Variants in SYNJ2 observed in about 807,000 individuals in gnomAD.
SYNJ2 encodes the protein polyphosphatidylinositol phosphatase SYNJ2.
A neutral mutation model predicts 141.3 loss-of-function variants in SYNJ2; 116 were observed. The ratio of observed to expected loss-of-function variants is 0.82; its 90% CI spans 0.71 to 0.96. The LOEUF is 0.96. Among genes scored for constraint, SYNJ2 ranks in the 40% least tolerant of loss-of-function variants. The pLI is 0.00. For missense variants in SYNJ2, 1,873 were observed against 1,934.8 expected (o/e 0.97, Z 0.60); for synonymous variants, 745 against 777.7 (o/e 0.96, Z 0.70).
At position 158,070,083 on chromosome 6, in the gene SYNJ2, A is replaced by G; in HGVS notation, c.1940+410A>G. 1.1e-6 allele frequency: 1 copy of G among 928,198 alleles called. No homozygotes were observed. Among genetic ancestry groups the G allele is most frequent in the Non-Finnish European group, 1.3e-6 (1 of 777,176 alleles). The allele number at this position is 928,198 out of a possible 1,614,324, so 57.5% of individuals were successfully genotyped here. A position where few individuals can be genotyped will look rare whatever the true frequency, so the allele number is the denominator to read the frequency against. ...TAAGTAGAACGTGTGGGCCTCTACA[A>G]CTGTGACCTCATTGTCATTTCTCCA... On this transcript the variant is annotated intron_variant, in intron 14 of 26. Transcript: ENST00000355585. This position sits in a 1 kb window ranked among gnomAD's most constrained non-coding sequence, Gnocchi z 4.0.
In SYNJ2 at chr6:157,982,363, G is replaced by T. The variant is rs1777047008; in HGVS notation, c.127+275G>T. ...AGAGGATATGGTTGCTGGATAGCCG[G>T]CTGGGGCGCTTTGCGTATTCATGAG... On this transcript the variant is annotated intron_variant, in intron 1 of 26. Coordinates refer to ENST00000355585, the MANE Select transcript of SYNJ2 (RefSeq NM_003898.4). The surrounding 1 kb of genome is among the most constrained non-coding windows in gnomAD (Gnocchi z 4.0). Among the ~76,000 whole-genome samples, 1 of 152,230 alleles carries T rather than the reference G, an allele frequency of 6.6e-6. No homozygotes were observed. The highest frequency in any genetic ancestry group is 2.4e-5 in the African/African-American group (1 of 41,454).
At chr6:158,006,628 T>C (rs1778079893) in intron 1 of SYNJ2, among the ~76,000 whole-genome samples, 1 of 152,174 alleles carries the variant, frequency 6.6e-6, no homozygotes, top group Non-Finnish European at 1.5e-5. Context: ...CTCATGATTA[T>C]TTTATTTTAT....
chr6:157,984,836 G>C (rs894356813), intron 1 of SYNJ2, among the ~76,000 whole-genome samples: 1 of 152,242 alleles, frequency 6.6e-6, no homozygotes, highest in African/African-American at 2.4e-5. Flanking sequence ...GTCGGGGGTA[G>C]CTTCCTTTTC....
intron 2 of SYNJ2, chr6:158,017,851 G>A: frequency 2.0e-6 from 1 of 504,988 alleles, no homozygotes; most frequent in Non-Finnish European, 4.1e-6. Flanking sequence ...GGGGTTCCCG[G>A]CACCCCCACC....
chr6:158,025,135 G>A (rs574400819), intron 2 of SYNJ2, among the ~76,000 whole-genome samples: 169 of 152,252 alleles, frequency 1.1e-3, no homozygotes, highest in African/African-American at 3.6e-3. Context: ...CAGATTGGCC[G>A]GCTGTGAGGA....
chr6:158,016,798 C>T (rs1414905773), intron 1 of SYNJ2, among the ~76,000 whole-genome samples: 2 of 152,180 alleles, frequency 1.3e-5, no homozygotes, highest in Non-Finnish European at 2.9e-5. Flanking sequence ...CCCAGTCTCC[C>T]CAAGTTACCA....
intron 12 of SYNJ2, 67 bp downstream of exon 12, chr6:158,066,702 C>T (rs201879564): frequency 1.3e-6 from 2 of 1,559,746 alleles, no homozygotes; most frequent in Non-Finnish European, 1.7e-6. Context: ...ACGCTTGACC[C>T]TTTAGTGGCC....
chr6:158,071,658 G>A lies in SYNJ2; in HGVS notation c.1997G>A (p.Gly666Asp). 6.2e-7 allele frequency: 1 copy of A among 1,614,148 alleles called. No homozygotes were observed. The highest frequency in any genetic ancestry group is 8.5e-7 in the Non-Finnish European group (1 of 1,180,036). ...TGMGGKAGNK[G>D]AVGIRFQFHS... ...ATGGGGGGCAAGGCGGGGAACAAGG[G>A]CGCCGTCGGCATCCGCTTCCAGTTC... Residue 666 changes from glycine to aspartate, a missense_variant, in exon 15 of 27, where the codon GGC (glycine) becomes GAC (aspartate). By Grantham distance (94) the Gly-to-Asp change is moderately conservative. Coordinates refer to ENST00000355585, the MANE Select transcript of SYNJ2 (RefSeq NM_003898.4). This position sits in a 1 kb window ranked among gnomAD's most constrained non-coding sequence, Gnocchi z 4.3.
chr6:158,008,419 G>T (rs1202782625), intron 1 of SYNJ2, among the ~76,000 whole-genome samples: 1 of 152,204 alleles, frequency 6.6e-6, no homozygotes. Context: ...TCCCCTGGAG[G>T]GCTCATTAAA....
At chr6:158,014,761 T>C (rs985842203) in intron 1 of SYNJ2, among the ~76,000 whole-genome samples, 1 of 152,372 alleles carries the variant, frequency 6.6e-6, no homozygotes, top group Admixed American at 6.5e-5. Context: ...GCCTGCCTTC[T>C]GTCCTCCTGT....
chr6:158,029,726 G>A (rs756599131), intron 3 of SYNJ2, among the ~76,000 whole-genome samples: 15 of 152,102 alleles, frequency 9.9e-5, no homozygotes, highest in Non-Finnish European at 2.1e-4. Flanking sequence ...GTGTGCAGCC[G>A]TTTACCGCTG....
In SYNJ2 at chr6:158,069,631, G is replaced by T; in HGVS notation, c.1898G>T (p.Cys633Phe). 1 of 1,614,018 alleles carries T rather than the reference G, an allele frequency of 6.2e-7. No individual in the cohort carries two copies. The highest frequency in any genetic ancestry group is 8.5e-7 in the Non-Finnish European group (1 of 1,179,912). ...ACTTCGGCACAGCTGGTGGGCGTCT[G>T]TCTTTATATCTTTGTACGTCCATAC... is the stretch of plus-strand genomic sequence containing the variant. ...LLTSAQLVGV[C>F]LYIFVRPYHV... Residue 633 changes from cysteine to phenylalanine, a missense_variant, in exon 14 of 27, where the codon TGT becomes TTT. Transcript: ENST00000355585.
intron 12 of SYNJ2, chr6:158,067,618 G>A: frequency 1.1e-5 from 11 of 985,362 alleles, no homozygotes; most frequent in Non-Finnish European, 1.3e-5. Flanking sequence ...TCAGGTTTTT[G>A]CCTGTTGGTG....
rs529750355 is a variant in SYNJ2 at position 157,987,563 on chromosome 6, G to A, written c.127+5475G>A. Among the ~76,000 whole-genome samples the A allele has an allele frequency of 3.3e-5, 5 of 151,914 alleles. 1 individual carries two copies. Among genetic ancestry groups the A allele is most frequent in the South Asian group, 2.1e-4 (1 of 4,814 alleles). ...ACTACAGGCGCGTGCCATCACGTCC[G>A]GCTAATTTTTGTATTTTTAGTAGAG... is the stretch of plus-strand genomic sequence containing the variant. On this transcript the variant is annotated intron_variant, in intron 1 of 26. Transcript: ENST00000355585.
In SYNJ2 at chr6:158,043,323, A is replaced by C. The variant is rs569118837; in HGVS notation, c.719A>C (p.Tyr240Ser). Residue 240 changes from tyrosine to serine, a missense_variant, in exon 5 of 27, where the codon TAC (tyrosine) becomes TCC (serine). Tyr to Ser is a moderately radical substitution (Grantham distance 144). Transcript: ENST00000355585. This position sits in a 1 kb window ranked among gnomAD's most constrained non-coding sequence, Gnocchi z 4.0. ...SNFVETEQMIYMDDGVSSFVQ... is the reference protein window; with the variant it reads ...SNFVETEQMISMDDGVSSFVQ... The stretch of plus-strand genomic sequence containing the variant: ...TGTTTCCTTGTGCCGCAGATGATTT[A>C]CATGGACGATGGAGTGTCATCTTTT... 9 of 1,613,970 alleles carry C rather than the reference A, an allele frequency of 5.6e-6. No individual in the cohort carries two copies. The African/African-American group carries it at 9.3e-5, about 17-fold the overall frequency.
intron 5 of SYNJ2, among the ~76,000 whole-genome samples, chr6:158,051,740 A>T (rs1392982172): frequency 6.6e-6 from 1 of 151,172 alleles, no homozygotes; most frequent in East Asian, 1.9e-4. Flanking sequence ...TGAGCCCGGG[A>T]GTTCAAGACC....
intron 16 of SYNJ2, 97 bp downstream of exon 16, chr6:158,074,835 G>A: frequency 7.1e-7 from 1 of 1,405,206 alleles, no homozygotes; most frequent in Non-Finnish European, 9.7e-7. Flanking sequence ...AGTTCCGTGA[G>A]TGGATTTCAC....
chr6:158,023,264 T>TAAAAAA (rs112882268), intron 2 of SYNJ2, among the ~76,000 whole-genome samples: 6,805 of 124,900 alleles, frequency 0.054, 238 homozygotes, highest in South Asian at 0.19. Context: ...TCTCTAAATT[T>TAAAAAA]AAAAAAAAAA....
At chr6:158,001,381 T>C (rs1461285186) in intron 1 of SYNJ2, 2 of 148,924 alleles carry the variant, frequency 1.3e-5, no homozygotes, top group Admixed American at 6.7e-5. Flanking sequence ...TGAAGGTAAC[T>C]GAGAACTTTC....
Sources: gnomAD v4.1 joint callset for allele counts (sites outside exome capture counted in the v4.1 genomes callset) on GRCh38, gnomAD v4.1.1 for gene constraint, Gnocchi (gnomAD v3.1) non-coding constraint, MANE v1.5 for transcripts, NCBI Gene and HGNC (gene_info 2026-07-23, HGNC 2026-07-21) for gene names.